The following TOPBP1 variants were observed in gnomAD, a reference collection of about 807,000 sequenced individuals.
The protein encoded by TOPBP1 is DNA topoisomerase II binding protein 1, also known as DNA topoisomerase 2-binding protein 1.
In TOPBP1, 28 loss-of-function variants were observed where a neutral mutation model predicts 167.7. That is an observed-to-expected ratio of 0.17 (90% CI 0.12 to 0.23). The LOEUF is 0.23. Among genes scored for constraint, TOPBP1 ranks in the 10% least tolerant of loss-of-function variants. The pLI, the probability that TOPBP1 is intolerant of heterozygous loss-of-function variation, is 1.00. For synonymous variants in TOPBP1, 598 were observed against 611.4 expected, an observed-to-expected ratio of 0.98 and a Z score of 0.32; for missense variants, 1,554 against 1,809.6, an observed-to-expected ratio of 0.86 and a Z score of 2.56.
chr3:133,619,120 AAAAAAC>A (rs1286708098), intron 20 of TOPBP1, among the ~76,000 whole-genome samples: 1 of 145,218 alleles, frequency 6.9e-6, no homozygotes, highest in African/African-American at 2.5e-5. Context: ...GCAAAAAAAA[AAAAAAC>A]AAAAAACAAA....
At chr3:133,660,842 T>G (rs778343078) in intron 2 of TOPBP1, among the ~76,000 whole-genome samples, 1 of 152,154 alleles carries the variant, frequency 6.6e-6, no homozygotes, top group African/African-American at 2.4e-5. Flanking sequence ...AATGTGATAA[T>G]AGACTTCCAG....
At chr3:133,621,315 C>T (rs1935083342) in intron 19 of TOPBP1, among the ~76,000 whole-genome samples, 2 of 152,146 alleles carry the variant, frequency 1.3e-5, no homozygotes, top group African/African-American at 2.4e-5. Context: ...GCCCAGACTC[C>T]CCAAAGGCTC....
intron 2 of TOPBP1, among the ~76,000 whole-genome samples, chr3:133,660,602 G>A (rs1318246484): frequency 6.6e-6 from 1 of 152,220 alleles, no homozygotes; most frequent in Non-Finnish European, 1.5e-5. Flanking sequence ...AGGCCATGCT[G>A]ATACTGCTGG....
At chr3:133,647,736 T>C (rs1283420248) in intron 10 of TOPBP1, among the ~76,000 whole-genome samples, 1 of 151,970 alleles carries the variant, frequency 6.6e-6, no homozygotes, top group Non-Finnish European at 1.5e-5. Context: ...AATTGAAAAA[T>C]TAATTATTAA....
chr3:133,652,745 T>A (rs1936347131), intron 7 of TOPBP1, 116 bp from the exon 8 acceptor site: 1 of 808,204 alleles, frequency 1.2e-6, no homozygotes. Context: ...CAAAGTAAGA[T>A]TCAGGGGTGT....
Position 133,621,178 on chromosome 3 carries a change from AT to A in TOPBP1, c.3179-832del, listed in dbSNP as rs543473918. Among the ~76,000 whole-genome samples the A allele has an allele frequency of 5.3e-3, 801 of 152,114 alleles. 7 individuals carry two copies. The highest frequency in any genetic ancestry group is 0.018 in the African/African-American group (762 of 41,496). ...AGGTGTACATTACCACGCCCAGCTAATTTTTTAAATTTTTTGTAGAGACAAG... is the reference window on the plus strand; with the variant it reads ...AGGTGTACATTACCACGCCCAGCTAATTTTTAAATTTTTTGTAGAGACAAG... On this transcript the variant is annotated intron_variant, in intron 19 of 27. Transcript: ENST00000260810.
chr3:133,646,502 T>C (rs1936079092), intron 10 of TOPBP1, among the ~76,000 whole-genome samples: 1 of 151,838 alleles, frequency 6.6e-6, no homozygotes, highest in African/African-American at 2.4e-5. Context: ...AATACAAAAA[T>C]TAGCTGGGCG....
At chr3:133,637,217 T>C (rs1032627540) in intron 14 of TOPBP1, among the ~76,000 whole-genome samples, 3 of 152,188 alleles carry the variant, frequency 2.0e-5, no homozygotes, top group Non-Finnish European at 4.4e-5. Context: ...GACAGTGGGT[T>C]TGAACAGCCA....
chr3:133,645,871 G>A (rs752440256), intron 10 of TOPBP1, among the ~76,000 whole-genome samples: 2 of 152,144 alleles, frequency 1.3e-5, no homozygotes, highest in African/African-American at 2.4e-5. Flanking sequence ...CCCTAGGGCC[G>A]GGCGCGGTGG....
chr3:133,617,047 CA>C, intron 22 of TOPBP1, 112 bp downstream of exon 22: 1 of 1,385,048 alleles, frequency 7.2e-7, no homozygotes, highest in Non-Finnish European at 9.7e-7. Flanking sequence ...TGATACAATG[CA>C]AAAAATAGTT....
intron 14 of TOPBP1, among the ~76,000 whole-genome samples, chr3:133,630,077 C>T (rs975163805): frequency 5.3e-5 from 8 of 152,008 alleles, no homozygotes; most frequent in Admixed American, 2.0e-4. Flanking sequence ...TGAGCCACCG[C>T]GCCTGGCTAT....
chr3:133,615,861 C>T (rs775686045), intron 23 of TOPBP1, among the ~76,000 whole-genome samples: 2 of 152,160 alleles, frequency 1.3e-5, no homozygotes, highest in Non-Finnish European at 2.9e-5. Flanking sequence ...CCTACCTCAG[C>T]CCCCCAAAGT....
intron 6 of TOPBP1, 96 bp from the exon 7 acceptor site, chr3:133,653,620 C>A: frequency 2.7e-6 from 3 of 1,107,972 alleles, no homozygotes; most frequent in South Asian, 2.1e-5. Flanking sequence ...CAAATTATAA[C>A]AGGTTAATAT....
chr3:133,604,696 G>A (rs181059906), intron 27 of TOPBP1, among the ~76,000 whole-genome samples: 1 of 151,740 alleles, frequency 6.6e-6, no homozygotes, highest in Admixed American at 6.6e-5. Context: ...CAAGGTGGGC[G>A]GATCACCTGA....
chr3:133,653,912 G>A (rs1187271379), intron 6 of TOPBP1, among the ~76,000 whole-genome samples: 4 of 152,128 alleles, frequency 2.6e-5, no homozygotes, highest in East Asian at 1.9e-4. Context: ...GATTACAAGC[G>A]TGAGCAACCG....
At position 133,637,876 on chromosome 3, in the gene TOPBP1, C is replaced by T. The variant is rs199924197; in HGVS notation, c.2520G>A (p.Lys840=). 1.4e-4 allele frequency: 224 copies of T among 1,613,316 alleles called. 1 individual carries two copies. Among genetic ancestry groups the T allele is most frequent in the Middle Eastern group, 1.6e-4 (1 of 6,074 alleles). ...DKLFKPSFDV[K]DALAALETPG... The stretch of plus-strand genomic sequence containing the variant: ...TGGGACCACTGCCTATAAACCTTAC[C>T]TTCACATCAAAGGAAGGCTTGAAGA... Residue 840 remains lysine, a splice_region_variant and synonymous_variant, in exon 14 of 28, where the codon AAG becomes AAA. Coordinates refer to ENST00000260810, the MANE Select transcript of TOPBP1 (RefSeq NM_007027.4).
chr3:133,632,262 G>A (rs867614097), intron 14 of TOPBP1, among the ~76,000 whole-genome samples: 23 of 151,858 alleles, frequency 1.5e-4, no homozygotes, highest in African/African-American at 4.8e-4. Flanking sequence ...AAAATTAGCC[G>A]GGTGTGGGGG....
chr3:133,658,982 G>C, intron 3 of TOPBP1, 34 bp downstream of exon 3: 2 of 1,552,832 alleles, frequency 1.3e-6, no homozygotes, highest in Non-Finnish European at 1.7e-6. Flanking sequence ...CCAAAAAATA[G>C]ACTACCAAAG....
At chr3:133,605,866 T>C (rs971419257) in intron 27 of TOPBP1, among the ~76,000 whole-genome samples, 3 of 152,160 alleles carry the variant, frequency 2.0e-5, no homozygotes, top group Non-Finnish European at 2.9e-5. Flanking sequence ...AAGGTACTAA[T>C]TGTACTAAGT....
Sources: allele counts gnomAD v4.1 joint callset (sites outside exome capture counted in the v4.1 genomes callset), GRCh38; gene constraint gnomAD v4.1.1; transcripts MANE v1.5; gene names NCBI Gene and HGNC (gene_info 2026-07-23, HGNC 2026-07-21).